The following SMKR1 variants were observed in gnomAD, a reference collection of about 807,000 sequenced individuals.
The protein encoded by SMKR1 is small lysine-rich protein 1.
SMKR1 carries 4 observed loss-of-function variants against 4.0 expected under a neutral mutation model. That is an observed-to-expected ratio of 1.00 (90% CI 0.49 to 2.30). The LOEUF (loss-of-function observed/expected upper bound fraction) is 2.30. Ranked by LOEUF, SMKR1 falls within the 30% of genes most tolerant of loss-of-function variation. SMKR1 has a pLI of 0.02. For missense variants in SMKR1, 56 were observed against 81.8 expected (o/e 0.68, Z 1.22); for synonymous variants, 38 against 32.5 (o/e 1.17, Z -0.58).
chr7:129,512,469 A>G lies in SMKR1; in HGVS notation c.*28A>G. 2 of 1,522,854 alleles carry G rather than the reference A, an allele frequency of 1.3e-6. No homozygotes were observed. Among genetic ancestry groups the G allele is most frequent in the African/African-American group, 2.8e-5 (2 of 72,546 alleles). 94.3% of individuals were successfully genotyped at this position (1,522,854 alleles called of 1,614,324 possible). On this transcript the variant is annotated 3_prime_UTR_variant, in exon 2 of 2. Coordinates refer to ENST00000462322, the MANE Select transcript of SMKR1 (RefSeq NM_001195243.2). ...GCATTTCACAACACATCTCTGTTAC[A>G]GACAACAGGACCTGGGGAAGAGAAG...
chr7:129,510,949 C>T (rs1197757294), intron 1 of SMKR1, among the ~76,000 whole-genome samples: 2 of 152,146 alleles, frequency 1.3e-5, no homozygotes, highest in African/African-American at 2.4e-5. Flanking sequence ...GCTGGGATTA[C>T]AGGCGCTTGC....
rs1284073452 is a variant in SMKR1 at position 129,502,793 on chromosome 7, C to T, written c.-32C>T. The T allele has an allele frequency of 6.5e-7, 1 of 1,535,090 alleles. No homozygotes were observed. The highest frequency in any genetic ancestry group is 2.0e-5 in the Admixed American group (1 of 50,968). ...TAAGGGCTTCGGGATCGGGAGAGTC[C>T]ACCACGCCTGCCTGCTCGGCTGAGA... On this transcript the variant is annotated 5_prime_UTR_variant, in exon 1 of 2. Coordinates refer to ENST00000462322, the MANE Select transcript of SMKR1 (RefSeq NM_001195243.2).
intron 1 of SMKR1, among the ~76,000 whole-genome samples, chr7:129,509,627 G>A (rs993747903): frequency 4.6e-5 from 7 of 151,954 alleles, no homozygotes; most frequent in South Asian, 4.1e-4. Context: ...TGCAACCTCC[G>A]TCTTCCGGGT....
At chr7:129,510,324 G>C (rs929367923) in intron 1 of SMKR1, among the ~76,000 whole-genome samples, 1 of 152,210 alleles carries the variant, frequency 6.6e-6, no homozygotes, top group African/African-American at 2.4e-5. Context: ...AATAGACACC[G>C]AGCCTGGTGG....
chr7:129,505,945 A>G (rs1453948630), intron 1 of SMKR1, among the ~76,000 whole-genome samples: 1 of 152,168 alleles, frequency 6.6e-6, no homozygotes, highest in Non-Finnish European at 1.5e-5. Flanking sequence ...GCTGGAGTCA[A>G]GTGGTTTTCC....
chr7:129,504,039 G>C (rs1365510915), intron 1 of SMKR1, among the ~76,000 whole-genome samples: 2 of 151,998 alleles, frequency 1.3e-5, no homozygotes, highest in Non-Finnish European at 2.9e-5. Context: ...TGTTGCCCAG[G>C]CTGGTCTCAA....
intron 1 of SMKR1, among the ~76,000 whole-genome samples, chr7:129,509,522 T>G (rs892274796): frequency 1.4e-4 from 22 of 152,034 alleles, no homozygotes; most frequent in African/African-American, 4.1e-4. Context: ...GTACTCTATT[T>G]CACCTAGCAA....
At chr7:129,510,851 C>T (rs1043920556) in intron 1 of SMKR1, among the ~76,000 whole-genome samples, 2 of 152,222 alleles carry the variant, frequency 1.3e-5, no homozygotes, top group Admixed American at 6.5e-5. Flanking sequence ...CTCTGTCCCC[C>T]AGGCTGGAAT....
chr7:129,505,542 G>A lies in SMKR1; in HGVS notation c.3+2715G>A, dbSNP rs568817872. ...CGCCCAGGCTGGAGTGCAATGGCGCGATCTCGGTTCACTGCAACCTCCGCC... is the reference window on the plus strand; with the variant it reads ...CGCCCAGGCTGGAGTGCAATGGCGCAATCTCGGTTCACTGCAACCTCCGCC... On this transcript the variant is annotated intron_variant, in intron 1 of 1. Coordinates refer to ENST00000462322, the MANE Select transcript of SMKR1 (RefSeq NM_001195243.2). 1.2e-3 allele frequency among the ~76,000 whole-genome samples: 183 copies of A among 151,542 alleles called. 2 individuals are homozygous for A. The highest frequency in any genetic ancestry group is 6.8e-3 in the Middle Eastern group (2 of 292).
intron 1 of SMKR1, among the ~76,000 whole-genome samples, chr7:129,507,086 G>A (rs187523840): frequency 4.0e-5 from 6 of 151,232 alleles, no homozygotes; most frequent in South Asian, 2.1e-4. Context: ...CTCAATCTGC[G>A]CTCACTGCAA....
intron 1 of SMKR1, among the ~76,000 whole-genome samples, chr7:129,505,685 T>C (rs184932102): frequency 1.4e-4 from 22 of 152,216 alleles, no homozygotes; most frequent in Non-Finnish European, 2.9e-4. Flanking sequence ...TTTTACCATG[T>C]TGTCCAGGCT....
chr7:129,503,443 G>A (rs185472253), intron 1 of SMKR1, among the ~76,000 whole-genome samples: 156 of 152,336 alleles, frequency 1.0e-3, no homozygotes, highest in African/African-American at 3.6e-3. Context: ...TGCTAAAGGG[G>A]CCTCAACCTC....
intron 1 of SMKR1, among the ~76,000 whole-genome samples, chr7:129,507,029 T>A (rs1799474542): frequency 6.6e-6 from 1 of 151,698 alleles, no homozygotes; most frequent in Non-Finnish European, 1.5e-5. Context: ...TTTTTTTTTT[T>A]TTTTGAGATG....
chr7:129,504,398 G>A (rs1052567057), intron 1 of SMKR1, among the ~76,000 whole-genome samples: 4 of 152,210 alleles, frequency 2.6e-5, no homozygotes, highest in African/African-American at 9.6e-5. Context: ...TGCATAGGCT[G>A]TTGGTCTTGG....
chr7:129,507,448 C>A (rs1295557354), intron 1 of SMKR1, among the ~76,000 whole-genome samples: 1 of 152,182 alleles, frequency 6.6e-6, no homozygotes, highest in African/African-American at 2.4e-5. Context: ...CTGTACCCAG[C>A]CTGTTTCCAG....
rs549771644 is a variant in SMKR1, at chr7:129,509,285, C to T, written c.4-2962C>T. On this transcript the variant is annotated intron_variant, in intron 1 of 1. Transcript: ENST00000462322. ...CCAATATCATGCCATTGCACTCCAG[C>T]CTGGGCAACAAGAGCAAGACTCCGT... 2.4e-4 allele frequency among the ~76,000 whole-genome samples: 37 copies of T among 152,254 alleles called. No homozygotes were observed. In the South Asian group the frequency reaches 7.7e-3, roughly 32 times the overall value.
intron 1 of SMKR1, among the ~76,000 whole-genome samples, chr7:129,506,586 C>T (rs1259699695): frequency 6.6e-6 from 1 of 152,064 alleles, no homozygotes; most frequent in African/African-American, 2.4e-5. Context: ...CTCTCTGTAC[C>T]CCTACTCCCT....
Position 129,503,621 on chromosome 7 carries a change from A to G in SMKR1, c.3+794A>G, listed in dbSNP as rs529646510. Among the ~76,000 whole-genome samples the G allele has an allele frequency of 2.4e-3, 370 of 152,104 alleles. 5 individuals are homozygous for G. Among genetic ancestry groups the G allele is most frequent in the Non-Finnish European group, 2.1e-4 (14 of 67,988 alleles). ...GAAGGACCCTGCCTCCTGCTTCCCC[A>G]TCGCTCCTTCAGCGCCCACAGCCCT... is the stretch of plus-strand genomic sequence containing the variant. On this transcript the variant is annotated intron_variant, in intron 1 of 1. Transcript: ENST00000462322.
Position 129,512,470 on chromosome 7 carries a change from G to A in SMKR1, c.*29G>A, listed in dbSNP as rs1316476955. ...CATTTCACAACACATCTCTGTTACA[G>A]ACAACAGGACCTGGGGAAGAGAAGT... On this transcript the variant is annotated 3_prime_UTR_variant, in exon 2 of 2. Coordinates refer to ENST00000462322, the MANE Select transcript of SMKR1 (RefSeq NM_001195243.2). 8 of 1,518,174 alleles carry A rather than the reference G, an allele frequency of 5.3e-6. No homozygotes were observed. The allele number at this position is 1,518,174 out of a possible 1,614,324, so 94.0% of individuals were successfully genotyped here. A position where few individuals can be genotyped will look rare whatever the true frequency, so the allele number is the denominator to read the frequency against.
Sources: allele counts gnomAD v4.1 joint callset (sites outside exome capture counted in the v4.1 genomes callset), GRCh38; gene constraint gnomAD v4.1.1; transcripts MANE v1.5; gene names NCBI Gene and HGNC (gene_info 2026-07-23, HGNC 2026-07-21).